The following INHBC variants were observed in gnomAD, a reference collection of about 807,000 sequenced individuals.
INHBC encodes the protein inhibin subunit beta C.
INHBC carries 10 observed loss-of-function variants against 12.4 expected under a neutral mutation model. That is an observed-to-expected ratio of 0.81 (90% CI 0.50 to 1.37). The LOEUF (loss-of-function observed/expected upper bound fraction) is 1.37, where lower values mean the gene tolerates loss of function less well. INHBC is among the 40% of genes most tolerant of loss of function. The probability of loss-of-function intolerance (pLI) is 0.00; values close to 1 mark genes in which losing one functional copy is unlikely to be tolerated. For missense variants in INHBC, 382 were observed against 439.4 expected (o/e 0.87, Z 1.17); for synonymous variants, 147 against 171.6 (o/e 0.86, Z 1.12).
intron 1 of INHBC, among the ~76,000 whole-genome samples, chr12:57,448,490 A>T (rs1423501190): frequency 6.6e-6 from 1 of 151,050 alleles, no homozygotes; most frequent in Non-Finnish European, 1.5e-5. Context: ...AATCACTTGA[A>T]CCCAGGAGGC....
intron 1 of INHBC, among the ~76,000 whole-genome samples, chr12:57,438,333 A>T (rs1269720029): frequency 6.6e-6 from 1 of 152,198 alleles, no homozygotes; most frequent in Non-Finnish European, 1.5e-5. Context: ...GGACAAGGCA[A>T]ATCTCTGGAA....
At chr12:57,448,738 AAC>A (rs1870642066) in intron 1 of INHBC, among the ~76,000 whole-genome samples, 1 of 152,302 alleles carries the variant, frequency 6.6e-6, no homozygotes, top group Non-Finnish European at 1.5e-5. Flanking sequence ...GAAGAATTAT[AAC>A]AGAGTTGTGT....
intron 1 of INHBC, among the ~76,000 whole-genome samples, chr12:57,444,923 C>T (rs573790104): frequency 1.4e-4 from 21 of 152,280 alleles, no homozygotes; most frequent in African/African-American, 4.8e-4. Context: ...CTCAAGCAAT[C>T]CTGCCACCTT....
chr12:57,441,935 C>T (rs113586747), intron 1 of INHBC, among the ~76,000 whole-genome samples: 8 of 152,134 alleles, frequency 5.3e-5, no homozygotes, highest in Admixed American at 1.3e-4. Context: ...CCCACCTCAG[C>T]CTCCCAAAGT....
chr12:57,449,134 C>T, intron 1 of INHBC, 143 bp from the exon 2 acceptor site: 4 of 1,109,898 alleles, frequency 3.6e-6, no homozygotes, highest in Non-Finnish European at 5.1e-6. Flanking sequence ...GTCCAATTTC[C>T]AGCACATGAA....
Position 57,450,191 on chromosome 12 carries a change from T to A in INHBC, c.*169T>A. 1 of 637,808 alleles carries A rather than the reference T, an allele frequency of 1.6e-6. No individual in the cohort carries two copies. Among genetic ancestry groups the A allele is most frequent in the Non-Finnish European group, 2.4e-6 (1 of 413,146 alleles). The allele number at this position is 637,808 out of a possible 1,614,324, so 39.5% of individuals were successfully genotyped here. A position where few individuals can be genotyped will look rare whatever the true frequency, so the allele number is the denominator to read the frequency against. ...CCTTTGACTTGAAGAAACCTTCATCTAAAGCAAGTCACTGTGCCATCTTCC... is the reference window on the plus strand; with the variant it reads ...CCTTTGACTTGAAGAAACCTTCATCAAAAGCAAGTCACTGTGCCATCTTCC... On this transcript the variant is annotated 3_prime_UTR_variant, in exon 2 of 2. Coordinates refer to ENST00000309668, the MANE Select transcript of INHBC (RefSeq NM_005538.4).
intron 1 of INHBC, among the ~76,000 whole-genome samples, chr12:57,436,807 C>T (rs1478982117): frequency 6.6e-6 from 1 of 152,038 alleles, no homozygotes; most frequent in Non-Finnish European, 1.5e-5. Flanking sequence ...GCTGGGGCTA[C>T]AGGCGCCTAC....
In INHBC at chr12:57,450,130, C is replaced by A; in HGVS notation, c.*108C>A. On this transcript the variant is annotated 3_prime_UTR_variant, in exon 2 of 2. Coordinates refer to ENST00000309668, the MANE Select transcript of INHBC (RefSeq NM_005538.4). ...CCTCATTCTCTGTCCAGAATGTGGA[C>A]TCCCTCTTCCTGAGCATCTTATGGA... 8.3e-7 allele frequency: 1 copy of A among 1,197,680 alleles called. No homozygotes were observed. Among genetic ancestry groups the A allele is most frequent in the Non-Finnish European group, 1.1e-6 (1 of 896,976 alleles). The allele number at this position is 1,197,680 out of a possible 1,614,324, so 74.2% of individuals were successfully genotyped here. A position where few individuals can be genotyped will look rare whatever the true frequency, so the allele number is the denominator to read the frequency against.
At chr12:57,446,643 C>T (rs968004255) in intron 1 of INHBC, among the ~76,000 whole-genome samples, 2 of 151,868 alleles carry the variant, frequency 1.3e-5, no homozygotes, top group Admixed American at 1.3e-4. Flanking sequence ...TACAGGTGTA[C>T]ACTAGTACGC....
chr12:57,449,174 A>C, intron 1 of INHBC, 103 bp from the exon 2 acceptor site: 1 of 1,399,906 alleles, frequency 7.1e-7, no homozygotes, highest in African/African-American at 1.4e-5. Context: ...ACTGTAGCAA[A>C]TGCCAAGTGC....
At chr12:57,436,046 C>T (rs937651783) in intron 1 of INHBC, among the ~76,000 whole-genome samples, 14 of 152,028 alleles carry the variant, frequency 9.2e-5, no homozygotes, top group African/African-American at 2.9e-4. Context: ...TGGGTTTCAC[C>T]GTGTTGGCCA....
At chr12:57,437,178 G>A (rs1245809997) in intron 1 of INHBC, among the ~76,000 whole-genome samples, 2 of 152,158 alleles carry the variant, frequency 1.3e-5, no homozygotes, top group African/African-American at 4.8e-5. Flanking sequence ...GAGCCCAGGA[G>A]TTTGAGACTG....
intron 1 of INHBC, among the ~76,000 whole-genome samples, chr12:57,435,735 G>A (rs545786752): frequency 5.3e-5 from 8 of 152,272 alleles, no homozygotes; most frequent in Admixed American, 2.6e-4. Context: ...TCAGAAAGAT[G>A]GATAAAGGGG....
chr12:57,449,801 T>C lies in INHBC; in HGVS notation c.838T>C (p.Cys280Arg). 1 of 1,614,066 alleles carries C rather than the reference T, an allele frequency of 6.2e-7. No individual in the cohort carries two copies. Among genetic ancestry groups the C allele is most frequent in the Non-Finnish European group, 8.5e-7 (1 of 1,179,938 alleles). ...CGCCATGAACTTCTGCATAGGGCAG[T>C]GCCCACTACACATAGCAGGCATGCC... The part of the protein sequence containing the change: ...GYAMNFCIGQ[C>R]PLHIAGMPGI... The change falls in exon 2 of 2, where the codon TGC (cysteine) becomes CGC (arginine). Residue 280 changes from cysteine to arginine, a missense_variant. Coordinates refer to ENST00000309668, the MANE Select transcript of INHBC (RefSeq NM_005538.4).
In INHBC at chr12:57,450,719, G is replaced by C. The variant is rs1020095202; in HGVS notation, c.*697G>C. On this transcript the variant is annotated 3_prime_UTR_variant, in exon 2 of 2. Coordinates refer to ENST00000309668, the MANE Select transcript of INHBC (RefSeq NM_005538.4). The stretch of plus-strand genomic sequence containing the variant: ...TGAGGTCAGGGCATTTCTTATCCCT[G>C]TTCCCTCTCTGTCTAGGTGTCATGG... 1 of 152,192 alleles carries C rather than the reference G, an allele frequency of 6.6e-6. No individual in the cohort carries two copies. The highest frequency in any genetic ancestry group is 1.5e-5 in the Non-Finnish European group (1 of 68,116). 9.4% of individuals were successfully genotyped at this position (152,192 alleles called of 1,614,324 possible). A position where few individuals can be genotyped will look rare whatever the true frequency, so the allele number is the denominator to read the frequency against.
At chr12:57,446,060 G>A (rs1594729351) in intron 1 of INHBC, among the ~76,000 whole-genome samples, 4 of 151,726 alleles carry the variant, frequency 2.6e-5, no homozygotes, top group South Asian at 2.1e-4. Context: ...TCAGCCTCCC[G>A]AGTAGCTGGG....
chr12:57,445,720 G>GCC (rs58040852), intron 1 of INHBC, among the ~76,000 whole-genome samples: 3 of 136,654 alleles, frequency 2.2e-5, no homozygotes, highest in Admixed American at 1.5e-4. Flanking sequence ...GAGACCCCCC[G>GCC]CCCATCTCCA....
chr12:57,449,288 A>G lies in INHBC; in HGVS notation c.325A>G (p.Ile109Val), dbSNP rs747744132. The change falls in exon 2 of 2, where the codon ATC becomes GTC. Residue 109 changes from isoleucine (I) to valine (V), a missense_variant. Transcript: ENST00000309668. Reference protein sequence around the residue: ...ISFAETGLSTINQTRLDFHFS... With the variant: ...ISFAETGLSTVNQTRLDFHFS... Reference sequence around the variant, plus strand: ...TCTTATGTCCACAGGCCTCTCCACCATCAACCAGACTCGTCTTGATTTTCA... The same window carrying G: ...TCTTATGTCCACAGGCCTCTCCACCGTCAACCAGACTCGTCTTGATTTTCA... The G allele has an allele frequency of 1.2e-6, 2 of 1,613,210 alleles. No homozygotes were observed. Among genetic ancestry groups the G allele is most frequent in the Non-Finnish European group, 1.7e-6 (2 of 1,179,460 alleles).
At position 57,440,663 on chromosome 12, in the gene INHBC, A is replaced by C. The variant is rs2139831416; in HGVS notation, c.313+5464A>C. ...CTTTTTTAGTTCATCTCTCTCCCGA[A>C]ATGCCTTATCGTAGGCAACTAAAAT... On this transcript the variant is annotated intron_variant, in intron 1 of 1. Transcript: ENST00000309668. 2.0e-5 allele frequency among the ~76,000 whole-genome samples: 3 copies of C among 152,148 alleles called. 1 individual carries two copies. The South Asian group carries it at 6.2e-4, about 32-fold the overall frequency.
Sources: gnomAD v4.1 joint callset for allele counts (sites outside exome capture counted in the v4.1 genomes callset) on GRCh38, gnomAD v4.1.1 for gene constraint, MANE v1.5 for transcripts, NCBI Gene and HGNC (gene_info 2026-07-23, HGNC 2026-07-21) for gene names.